The following TENM2 variants were observed in gnomAD, a reference collection of about 807,000 sequenced individuals.
TENM2 encodes the protein teneurin transmembrane protein 2.
Under a neutral mutation model 245.2 loss-of-function variants are expected in TENM2, and 52 were observed. The observed-to-expected ratio is 0.21, with a 90% CI of 0.17 to 0.27. The LOEUF is 0.27. Ranked by LOEUF, TENM2 falls within the 10% of genes least tolerant of loss-of-function variation. TENM2 has a pLI of 1.00. For missense variants in TENM2, 3,046 were observed against 3,666.8 expected (o/e 0.83, Z 4.37); for synonymous variants, 1,363 against 1,438.9 (o/e 0.95, Z 1.19).
chr5:167,349,876 A>G (rs190514455), intron 1 of TENM2, among the ~76,000 whole-genome samples: 22 of 152,024 alleles, frequency 1.4e-4, no homozygotes, highest in African/African-American at 4.4e-4. Context: ...GAAAGACAAT[A>G]TTGCCTATAT....
rs867172283 is a variant in TENM2, at chr5:168,079,614, A to C, written c.1516-10960A>C. Among the ~76,000 whole-genome samples the C allele has an allele frequency of 7.9e-4, 120 of 152,216 alleles. 1 individual carries two copies. The highest frequency in any genetic ancestry group is 6.8e-3 in the Middle Eastern group (2 of 294). ...TTTGAGATACATCCCATCAATACCT[A>C]GTTTATTGAGAGTTTTTAGCATGAA... On this transcript the variant is annotated intron_variant, in intron 7 of 28. Transcript: ENST00000518659.
chr5:167,533,313 G>C (rs928960959), intron 2 of TENM2, among the ~76,000 whole-genome samples: 1 of 152,176 alleles, frequency 6.6e-6, no homozygotes, highest in Non-Finnish European at 1.5e-5. Context: ...GAACTTGGAG[G>C]TACCATGTTC....
the TENM2 span, among the ~76,000 whole-genome samples, chr5:167,070,979 G>C: frequency 8.3e-4 from 126 of 152,054 alleles, no homozygotes; most frequent in Non-Finnish European, 1.6e-3. Flanking sequence ...CGACTAAATT[G>C]GTGATCTAGC....
At chr5:167,067,991 A>T in the TENM2 span, among the ~76,000 whole-genome samples, 3 of 152,208 alleles carry the variant, frequency 2.0e-5, no homozygotes, top group Non-Finnish European at 4.4e-5. Flanking sequence ...TGAGGACAAC[A>T]TCCACAGCAC....
At chr5:167,066,705 T>C in the TENM2 span, among the ~76,000 whole-genome samples, 1 of 152,108 alleles carries the variant, frequency 6.6e-6, no homozygotes, top group Non-Finnish European at 1.5e-5. Flanking sequence ...AAGCAACATC[T>C]TTTGGCAGTT....
At chr5:167,172,261 C>A in the TENM2 span, among the ~76,000 whole-genome samples, 1 of 152,172 alleles carries the variant, frequency 6.6e-6, no homozygotes, top group African/African-American at 2.4e-5. Flanking sequence ...GTGATCTTTT[C>A]TTTTCTGAGG....
At chr5:167,289,078 T>C (rs148388229) in intron 1 of TENM2, among the ~76,000 whole-genome samples, 78 of 152,276 alleles carry the variant, frequency 5.1e-4, no homozygotes, top group Non-Finnish European at 9.0e-4. Flanking sequence ...CTCACAATCA[T>C]TCCTGACTCT....
At chr5:167,702,695 T>C (rs1315726737) in intron 2 of TENM2, among the ~76,000 whole-genome samples, 2 of 151,886 alleles carry the variant, frequency 1.3e-5, no homozygotes, top group Admixed American at 1.3e-4. Flanking sequence ...CCTCCCTCTG[T>C]TACAAGACTC....
At chr5:167,513,155 G>A (rs1421331690) in intron 2 of TENM2, among the ~76,000 whole-genome samples, 1 of 152,048 alleles carries the variant, frequency 6.6e-6, no homozygotes, top group African/African-American at 2.4e-5. Context: ...AATTTAATTG[G>A]ATAGAAAGCA....
At chr5:167,649,741 A>G (rs1754316690) in intron 2 of TENM2, among the ~76,000 whole-genome samples, 2 of 152,170 alleles carry the variant, frequency 1.3e-5, no homozygotes, top group South Asian at 2.1e-4. Flanking sequence ...GGTGCTAACA[A>G]TGTATTAGGT....
At chr5:167,504,097 G>C (rs947083098) in intron 2 of TENM2, among the ~76,000 whole-genome samples, 1 of 151,890 alleles carries the variant, frequency 6.6e-6, no homozygotes. Flanking sequence ...TATTTTTTGC[G>C]TGCCTAATAT....
At chr5:168,020,339 C>G (rs1197935432) in intron 5 of TENM2, among the ~76,000 whole-genome samples, 1 of 152,174 alleles carries the variant, frequency 6.6e-6, no homozygotes, top group East Asian at 1.9e-4. Context: ...AAGCGAAGGT[C>G]TTGGAATAGA....
intron 4 of TENM2, among the ~76,000 whole-genome samples, chr5:167,957,974 C>T (rs560935336): frequency 6.4e-4 from 97 of 152,138 alleles, no homozygotes; most frequent in African/African-American, 2.2e-3. Context: ...GAGAGTTCTG[C>T]AGATGTCTAT....
the TENM2 span, among the ~76,000 whole-genome samples, chr5:167,228,674 T>G: frequency 6.6e-6 from 1 of 152,046 alleles, no homozygotes; most frequent in South Asian, 2.1e-4. Flanking sequence ...ACATTAATAA[T>G]CTGGACGTCT....
chr5:166,979,108 A>G, the TENM2 span, among the ~76,000 whole-genome samples: 1 of 151,888 alleles, frequency 6.6e-6, no homozygotes, highest in Non-Finnish European at 1.5e-5. Flanking sequence ...CAGGTTGCAC[A>G]TTGGTCCTGG....
rs115330155 is a variant in TENM2 at position 167,731,056 on chromosome 5, A to G, written c.503-144930A>G. On this transcript the variant is annotated intron_variant, in intron 2 of 28. Transcript: ENST00000518659. ...ATGCAAGGATTCTTTTGATTGAAAC[A>G]TGTCCTTAGTTTCCATGAACAAGGC... 6.9e-3 allele frequency among the ~76,000 whole-genome samples: 1,057 copies of G among 152,192 alleles called. 10 individuals carry two copies. The highest frequency in any genetic ancestry group is 0.024 in the African/African-American group (1,007 of 41,510).
At chr5:168,024,360 C>G (rs966819038) in intron 5 of TENM2, among the ~76,000 whole-genome samples, 1 of 152,202 alleles carries the variant, frequency 6.6e-6, no homozygotes, top group Non-Finnish European at 1.5e-5. Context: ...GCCAGCCACT[C>G]AAGGGCCAGC....
At chr5:168,229,257 C>T (rs1056693972) in intron 25 of TENM2, among the ~76,000 whole-genome samples, 4 of 152,102 alleles carry the variant, frequency 2.6e-5, no homozygotes, top group Non-Finnish European at 4.4e-5. Flanking sequence ...TGCCAGGACT[C>T]GATCCCACGT....
chr5:167,790,578 C>A (rs995388432), intron 2 of TENM2, among the ~76,000 whole-genome samples: 1 of 152,060 alleles, frequency 6.6e-6, no homozygotes, highest in South Asian at 2.1e-4. Context: ...GTGCCTGGAC[C>A]CTTCAGATTA....
Sources: gnomAD v4.1 joint callset for allele counts (sites outside exome capture counted in the v4.1 genomes callset) on GRCh38, gnomAD v4.1.1 for gene constraint, MANE v1.5 for transcripts, NCBI Gene and HGNC (gene_info 2026-07-23, HGNC 2026-07-21) for gene names.